Variants in ALPK2 observed in about 807,000 individuals in gnomAD.
ALPK2 encodes alpha kinase 2.
Under a neutral mutation model 163.1 loss-of-function variants are expected in ALPK2, and 127 were observed. The ratio of observed to expected loss-of-function variants is 0.78; its 90% CI spans 0.67 to 0.90. The LOEUF (loss-of-function observed/expected upper bound fraction) is 0.90, where lower values mean the gene tolerates loss of function less well. Ranked by LOEUF, ALPK2 falls within the 40% of genes least tolerant of loss-of-function variation. The pLI, the probability that ALPK2 is intolerant of heterozygous loss-of-function variation, is 0.00. For missense variants in ALPK2, 2,360 were observed against 2,589.6 expected (o/e 0.91, Z 1.92); for synonymous variants, 953 against 959.1 (o/e 0.99, Z 0.12).
At chr18:58,608,442 G>A (rs941446349) in intron 2 of ALPK2, among the ~76,000 whole-genome samples, 1 of 152,200 alleles carries the variant, frequency 6.6e-6, no homozygotes. Flanking sequence ...TCTTGTTACA[G>A]AGCAGGAAGG....
chr18:58,603,243 C>T (rs1352671392), intron 3 of ALPK2, among the ~76,000 whole-genome samples: 1 of 152,196 alleles, frequency 6.6e-6, no homozygotes, highest in African/African-American at 2.4e-5. Flanking sequence ...CCAATATGAA[C>T]TCCTTCACTA....
chr18:58,535,370 G>A lies in ALPK2; in HGVS notation c.4817C>T (p.Thr1606Ile). The A allele has an allele frequency of 6.2e-7, 1 of 1,614,176 alleles. No individual in the cohort carries two copies. The highest frequency in any genetic ancestry group is 8.5e-7 in the Non-Finnish European group (1 of 1,180,028). The change falls in exon 5 of 13, where the codon ACC becomes ATC. Residue 1606 changes from threonine to isoleucine, a missense_variant. Transcript: ENST00000361673. ...AGGAGATGAAGTACAAGGGAACCTG[G>A]TAAGATCAGGAGAAGAGGGCAAAGG... ...GKPLPSSPDLTRFPCTSSPEG... is the reference protein window; with the variant it reads ...GKPLPSSPDLIRFPCTSSPEG...
In ALPK2 at chr18:58,558,897, T is replaced by G. The variant is rs1243939942; in HGVS notation, c.1962+19917A>C. On this transcript the variant is annotated intron_variant, in intron 4 of 12. Coordinates refer to ENST00000361673, the MANE Select transcript of ALPK2 (RefSeq NM_052947.4). ...GCAAATCTATTCAAGACAGAAAGTA[T>G]AGTAGGATTTGCCAGGGGCTGGGGG... Among the ~76,000 whole-genome samples the G allele has an allele frequency of 1.3e-5, 2 of 152,280 alleles. 1 individual carries two copies. Among genetic ancestry groups the G allele is most frequent in the South Asian group, 4.1e-4 (2 of 4,826 alleles).
At chr18:58,593,600 G>A (rs1327683552) in intron 3 of ALPK2, among the ~76,000 whole-genome samples, 12 of 144,782 alleles carry the variant, frequency 8.3e-5, no homozygotes, top group South Asian at 4.4e-4. Context: ...AAAAAAGACC[G>A]GGTGCAGTGG....
chr18:58,509,368 G>A (rs1172327850), intron 10 of ALPK2, among the ~76,000 whole-genome samples: 1 of 152,054 alleles, frequency 6.6e-6, no homozygotes, highest in Non-Finnish European at 1.5e-5. Context: ...CTTTATAGCA[G>A]CATGATTTAT....
chr18:58,525,084 G>A (rs1425672804), intron 6 of ALPK2, among the ~76,000 whole-genome samples: 2 of 152,018 alleles, frequency 1.3e-5, no homozygotes. Context: ...TTTAGCTTGG[G>A]TTCGTTTCAT....
At chr18:58,603,514 C>G (rs1452993811) in intron 3 of ALPK2, among the ~76,000 whole-genome samples, 1 of 152,232 alleles carries the variant, frequency 6.6e-6, no homozygotes, top group Admixed American at 6.5e-5. Context: ...CGGAGCTTTG[C>G]TGCTCCTGGT....
intron 12 of ALPK2, among the ~76,000 whole-genome samples, chr18:58,482,633 G>C (rs7230515): frequency 0.26 from 39,138 of 151,682 alleles, 5,139 homozygotes; most frequent in Non-Finnish European, 0.28. Flanking sequence ...TTGTCCCCAG[G>C]AGAAGAAGAA....
intron 6 of ALPK2, among the ~76,000 whole-genome samples, chr18:58,524,669 A>T (rs1202469811): frequency 6.6e-6 from 1 of 152,208 alleles, no homozygotes; most frequent in Non-Finnish European, 1.5e-5. Flanking sequence ...CCAATAGCTA[A>T]TGTGCACTGA....
chr18:58,524,951 C>CA (rs377122433), intron 6 of ALPK2, among the ~76,000 whole-genome samples: 42,419 of 105,894 alleles, frequency 0.4, 7,424 homozygotes, highest in Middle Eastern at 0.51. Flanking sequence ...TACTCTACAG[C>CA]AAAAAAAAAA....
chr18:58,539,576 C>T (rs1017004740), intron 4 of ALPK2, among the ~76,000 whole-genome samples: 1 of 152,174 alleles, frequency 6.6e-6, no homozygotes. Flanking sequence ...TCTGAAGCAA[C>T]TCAGTCTTTG....
intron 12 of ALPK2, among the ~76,000 whole-genome samples, chr18:58,488,835 C>T (rs7245187): frequency 0.13 from 19,916 of 151,910 alleles, 1,362 homozygotes; most frequent in Non-Finnish European, 0.16. Flanking sequence ...TCCGGTAGAA[C>T]GGATTGTCAC....
At chr18:58,498,558 A>T (rs2051413241) in intron 11 of ALPK2, among the ~76,000 whole-genome samples, 1 of 152,218 alleles carries the variant, frequency 6.6e-6, no homozygotes, top group Admixed American at 6.5e-5. Flanking sequence ...CAATAGCAAG[A>T]GGGTTTGATA....
intron 3 of ALPK2, among the ~76,000 whole-genome samples, chr18:58,594,568 A>G (rs1342376431): frequency 2.0e-5 from 3 of 152,154 alleles, no homozygotes; most frequent in African/African-American, 7.2e-5. Context: ...CGGCAGCCCC[A>G]GCTCTCAGCA....
chr18:58,550,341 A>G (rs1420086923), intron 4 of ALPK2, among the ~76,000 whole-genome samples: 4 of 150,724 alleles, frequency 2.7e-5, no homozygotes, highest in Non-Finnish European at 5.9e-5. Flanking sequence ...TGCCTTCATC[A>G]TGAACAACCC....
At chr18:58,525,701 AAGC>A (rs2051580662) in intron 6 of ALPK2, among the ~76,000 whole-genome samples, 3 of 152,226 alleles carry the variant, frequency 2.0e-5, no homozygotes, top group South Asian at 2.1e-4. Context: ...TCCTCTGTGA[AAGC>A]AGAATGAGCA....
chr18:58,628,254 C>A (rs1902296107), intron 1 of ALPK2, among the ~76,000 whole-genome samples: 1 of 152,108 alleles, frequency 6.6e-6, no homozygotes, highest in South Asian at 2.1e-4. Flanking sequence ...TGTTGTCAGA[C>A]AATATACTCC....
chr18:58,532,217 A>G (rs8098439), intron 5 of ALPK2, among the ~76,000 whole-genome samples: 143,167 of 152,272 alleles, frequency 0.94, 67,836 homozygotes, highest in East Asian at 1. Flanking sequence ...CCCTTCCAGT[A>G]CAATAACCTA....
intron 3 of ALPK2, 182 bp from the exon 4 acceptor site, chr18:58,580,730 T>C (rs925428190): frequency 9.6e-6 from 6 of 622,130 alleles, no homozygotes; most frequent in Non-Finnish European, 1.7e-5. Flanking sequence ...GTGCCCCTAG[T>C]GCTGAGAATC....
Sources: allele counts gnomAD v4.1 joint callset (sites outside exome capture counted in the v4.1 genomes callset), GRCh38; gene constraint gnomAD v4.1.1; transcripts MANE v1.5; gene names NCBI Gene and HGNC (gene_info 2026-07-23, HGNC 2026-07-21).